MID1: variants seen among roughly 807,000 people sequenced by gnomAD.
MID1 encodes the protein midline 1.
In MID1, 7 loss-of-function variants were observed where a neutral mutation model predicts 40.4. That is an observed-to-expected ratio of 0.17 (90% CI 0.10 to 0.33). MID1 has a LOEUF of 0.33. MID1 is among the 10% of genes least tolerant of loss of function. MID1 has a pLI of 1.00. For missense variants in MID1, 367 were observed against 558.5 expected (o/e 0.66, Z 3.46); for synonymous variants, 229 against 221.2 (o/e 1.04, Z -0.31).
chrX:10,710,380 G>A (rs16986258), intron 1 of MID1, among the ~76,000 whole-genome samples: 5 of 110,641 alleles, frequency 4.5e-5, no homozygotes, highest in Non-Finnish European at 9.4e-5. Flanking sequence ...TAACAAGCAG[G>A]CAATATTTTC....
At chrX:10,638,095 C>G (rs1936141171) in intron 1 of MID1, among the ~76,000 whole-genome samples, 1 of 111,863 alleles carries the variant, frequency 8.9e-6, no homozygotes, top group East Asian at 2.8e-4. Flanking sequence ...TCCAAGATGG[C>G]TGAATAGGAA....
chrX:10,793,784 C>T (rs564263263), intron 1 of MID1, among the ~76,000 whole-genome samples: 1 of 112,362 alleles, frequency 8.9e-6, no homozygotes, highest in South Asian at 3.7e-4. Context: ...GCCTGGCATG[C>T]CCTTCACATG....
rs767832449 is a variant in MID1 at position 10,499,168 on chromosome X, G to GT, written c.757-3478dup. Among the ~76,000 whole-genome samples the GT allele has an allele frequency of 1.9e-4, 21 of 111,662 alleles. No individual in the cohort carries two copies. The South Asian group carries it at 5.3e-3, about 28-fold the overall frequency. On this transcript the variant is annotated intron_variant, in intron 3 of 9. Coordinates refer to ENST00000317552, the MANE Select transcript of MID1 (RefSeq NM_000381.4). Reference sequence around the variant, plus strand: ...GGGTGTGAAGTGGTATTTCATTGTGGTTTTGACTTACATTTTCCTGATGGC... The same window carrying GT: ...GGGTGTGAAGTGGTATTTCATTGTGGTTTTTGACTTACATTTTCCTGATGGC...
intron 2 of MID1, among the ~76,000 whole-genome samples, chrX:10,533,520 CA>C (rs1229371922): frequency 9.5e-6 from 1 of 105,671 alleles, no homozygotes; most frequent in Non-Finnish European, 1.9e-5. Flanking sequence ...TTATACATAA[CA>C]TTTTTTTTCT....
At chrX:10,794,363 G>A (rs183751706) in intron 1 of MID1, among the ~76,000 whole-genome samples, 154 of 111,942 alleles carry the variant, frequency 1.4e-3, no homozygotes, top group African/African-American at 4.9e-3. Flanking sequence ...TGGTTTACAG[G>A]GCAAGTGCTA....
chrX:10,498,583 C>T (rs1291072416), intron 3 of MID1, among the ~76,000 whole-genome samples: 1 of 112,168 alleles, frequency 8.9e-6, no homozygotes, highest in African/African-American at 3.2e-5. Context: ...AAAAGAAACC[C>T]ATAATGTGTG....
At chrX:10,717,902 C>T in intron 1 of MID1, among the ~76,000 whole-genome samples, 2 of 111,715 alleles carry the variant, frequency 1.8e-5, no homozygotes, top group Non-Finnish European at 3.8e-5. Context: ...TCACTCAAAA[C>T]CGCTCAACTA....
intron 1 of MID1, among the ~76,000 whole-genome samples, chrX:10,767,588 G>A (rs917365303): frequency 8.9e-6 from 1 of 111,778 alleles, no homozygotes; most frequent in Non-Finnish European, 1.9e-5. Flanking sequence ...CAAAGTGCTG[G>A]GATTACAGGC....
intron 3 of MID1, among the ~76,000 whole-genome samples, chrX:10,521,245 T>G (rs1181283772): frequency 1.8e-5 from 2 of 110,066 alleles, no homozygotes; most frequent in Non-Finnish European, 3.8e-5. Context: ...CCCAAACACC[T>G]CCCACCAAGC....
intron 2 of MID1, among the ~76,000 whole-genome samples, chrX:10,545,821 C>T (rs188702771): frequency 9.0e-6 from 1 of 111,653 alleles, no homozygotes; most frequent in Non-Finnish European, 1.9e-5. Context: ...TGTTTTATTG[C>T]TTTTTTAACA....
chrX:10,593,535 A>G (rs1197064204), intron 1 of MID1, among the ~76,000 whole-genome samples: 2 of 111,696 alleles, frequency 1.8e-5, no homozygotes, highest in Non-Finnish European at 3.8e-5. Context: ...AGAGACCTCT[A>G]GTCTTACATT....
chrX:10,532,262 G>A lies in MID1; in HGVS notation c.661-9075C>T, dbSNP rs147968483. Among the ~76,000 whole-genome samples, 629 of 112,331 alleles carry A rather than the reference G, an allele frequency of 5.6e-3. 8 individuals are homozygous for A. The highest frequency in any genetic ancestry group is 0.019 in the African/African-American group (600 of 30,953). On this transcript the variant is annotated intron_variant, in intron 2 of 9. Transcript: ENST00000317552. ...TCCCAACACTTTGGGATGCCAAGGC[G>A]GGAGGATTGCTTTAAACCAGGAGTT... is the stretch of plus-strand genomic sequence containing the variant.
intron 2 of MID1, among the ~76,000 whole-genome samples, chrX:10,532,742 GT>G (rs1933019305): frequency 9.3e-6 from 1 of 108,067 alleles, no homozygotes; most frequent in East Asian, 2.9e-4. Flanking sequence ...CGTGCCGCCT[GT>G]TTTTGTGTGG....
intron 1 of MID1, chrX:10,582,761 G>A (rs1048049066): frequency 4.5e-5 from 5 of 111,606 alleles, no homozygotes; most frequent in Admixed American, 9.5e-5. Flanking sequence ...AACAGCTTGG[G>A]TCTGGTCTGC....
At chrX:10,719,866 C>T (rs1432937424) in intron 1 of MID1, among the ~76,000 whole-genome samples, 1 of 111,178 alleles carries the variant, frequency 9.0e-6, no homozygotes, top group Non-Finnish European at 1.9e-5. Context: ...ACCAATGGAA[C>T]AGAACAGGGC....
At chrX:10,541,690 T>G (rs1229212932) in intron 2 of MID1, among the ~76,000 whole-genome samples, 1 of 111,374 alleles carries the variant, frequency 9.0e-6, no homozygotes, top group East Asian at 2.8e-4. Context: ...AATTGTAGTT[T>G]AGCATCCATT....
intron 1 of MID1, among the ~76,000 whole-genome samples, chrX:10,661,158 A>G (rs749130025): frequency 7.2e-5 from 8 of 111,649 alleles, no homozygotes; most frequent in Non-Finnish European, 1.3e-4. Context: ...AAATTTTGCC[A>G]TATGAAAATC....
intron 2 of MID1, among the ~76,000 whole-genome samples, chrX:10,550,002 A>G (rs1156719604): frequency 1.8e-5 from 2 of 112,995 alleles, no homozygotes; most frequent in Admixed American, 9.3e-5. Context: ...TAGAATCCAC[A>G]GTTTTGCAAG....
chrX:10,723,092 T>G (rs2043368461), intron 1 of MID1, among the ~76,000 whole-genome samples: 1 of 111,617 alleles, frequency 9.0e-6, no homozygotes, highest in Admixed American at 9.6e-5. Flanking sequence ...AGAAGTACTC[T>G]GCAAAAAAGT....
Sources: gnomAD v4.1 joint callset for allele counts (sites outside exome capture counted in the v4.1 genomes callset) on GRCh38, gnomAD v4.1.1 for gene constraint, MANE v1.5 for transcripts, NCBI Gene and HGNC (gene_info 2026-07-23, HGNC 2026-07-21) for gene names.